Variants in DYDC2 observed in about 807,000 individuals in gnomAD.
DYDC2 encodes DPY30 domain containing 2.
Under a neutral mutation model 18.7 loss-of-function variants are expected in DYDC2, and 19 were observed. The ratio of observed to expected loss-of-function variants is 1.02; its 90% CI spans 0.71 to 1.49. DYDC2 has a LOEUF of 1.49. Ranked by LOEUF, DYDC2 falls within the 40% of genes most tolerant of loss-of-function variation. The probability of loss-of-function intolerance (pLI) is 0.00; values close to 1 mark genes in which losing one functional copy is unlikely to be tolerated. For synonymous variants in DYDC2, 63 were observed against 67.6 expected, an observed-to-expected ratio of 0.93 and a Z score of 0.34; for missense variants, 179 against 205.1, an observed-to-expected ratio of 0.87 and a Z score of 0.78.
chr10:80,354,312 T>C, upstream of DYDC2: 1 of 149,668 alleles, frequency 6.7e-6, no homozygotes, highest in East Asian at 2.0e-4. Context: ...AATAGTGAAA[T>C]GCTGTCTCTA....
At chr10:80,344,754 C>A, upstream of DYDC2, 1 of 328,074 alleles carries the variant, frequency 3.0e-6, no homozygotes. Context: ...TTGCTGCCAC[C>A]ATGTAAGAAG....
At chr10:80,345,246 C>T (rs1842541703) in intron 1 of DYDC2, among the ~76,000 whole-genome samples, 1 of 152,142 alleles carries the variant, frequency 6.6e-6, no homozygotes, top group Admixed American at 6.5e-5. Context: ...TCCTGATGTC[C>T]TACCACACAG....
intron 1 of DYDC2, among the ~76,000 whole-genome samples, chr10:80,347,276 CT>C (rs556362145): frequency 7.8e-5 from 7 of 90,108 alleles, no homozygotes; most frequent in Non-Finnish European, 1.3e-4. Context: ...AATTGGGATC[CT>C]TTTTTTTTTT....
intron 2 of DYDC2, among the ~76,000 whole-genome samples, chr10:80,360,406 C>G (rs1481702845): frequency 1.3e-5 from 2 of 152,190 alleles, no homozygotes; most frequent in African/African-American, 4.8e-5. Flanking sequence ...TCATCACCTT[C>G]CCTGTCTGAC....
At chr10:80,362,799 G>T in intron 3 of DYDC2, 152 bp from the exon 4 acceptor site, 1 of 1,252,724 alleles carries the variant, frequency 8.0e-7, no homozygotes, top group African/African-American at 1.5e-5. Context: ...GGAGTTGAAG[G>T]GTTTGTAACT....
At chr10:80,352,477 T>A, upstream of DYDC2, 1 of 1,608,910 alleles carries the variant, frequency 6.2e-7, no homozygotes, top group Non-Finnish European at 8.5e-7. Flanking sequence ...GGTCACATTT[T>A]CCTTATACTT....
At chr10:80,362,917 GCTGAC>G (rs1843707597) in intron 3 of DYDC2, 29 bp from the exon 4 acceptor site, 1 of 1,602,984 alleles carries the variant, frequency 6.2e-7, no homozygotes, top group Non-Finnish European at 8.5e-7. Flanking sequence ...TTCCCTGGTT[GCTGAC>G]CTGATTTGAC....
At chr10:80,348,914 C>G (rs1356069334) in intron 1 of DYDC2, among the ~76,000 whole-genome samples, 1 of 151,450 alleles carries the variant, frequency 6.6e-6, no homozygotes, top group African/African-American at 2.4e-5. Context: ...TTTTTTGAGG[C>G]GGAGTCTCGC....
intron 2 of DYDC2, among the ~76,000 whole-genome samples, chr10:80,360,588 G>A (rs1463172986): frequency 2.0e-5 from 3 of 152,084 alleles, no homozygotes; most frequent in Non-Finnish European, 4.4e-5. Context: ...GACACATTTG[G>A]GAGCCATTAT....
At chr10:80,357,127 T>G (rs1589528246) in intron 1 of DYDC2, among the ~76,000 whole-genome samples, 4 of 85,666 alleles carry the variant, frequency 4.7e-5, no homozygotes, top group Admixed American at 1.3e-4. Context: ...GCGGCAGAGA[T>G]GAGGCGGTGT....
At chr10:80,365,115 C>T (rs1843786458) in intron 4 of DYDC2, among the ~76,000 whole-genome samples, 1 of 152,058 alleles carries the variant, frequency 6.6e-6, no homozygotes, top group Non-Finnish European at 1.5e-5. Flanking sequence ...AACTGATATG[C>T]ATATACTCAA....
At position 80,358,039 on chromosome 10, in the gene DYDC2, C is replaced by T; in HGVS notation, c.-16C>T. 1 of 985,552 alleles carries T rather than the reference C, an allele frequency of 1.0e-6. No individual in the cohort carries two copies. Among genetic ancestry groups the T allele is most frequent in the Non-Finnish European group, 1.2e-6 (1 of 830,068 alleles). 61.1% of individuals were successfully genotyped at this position (985,552 alleles called of 1,614,324 possible). On this transcript the variant is annotated 5_prime_UTR_variant, in exon 2 of 5. Transcript: ENST00000256039. ...GAAACACTGAAAAATAGCCTCTCCC[C>T]CCATTGGTGAGTGTACCCTAAGTTG...
In DYDC2 at chr10:80,357,540, C is replaced by G. The variant is rs180884968; in HGVS notation, c.-162-353C>G. On this transcript the variant is annotated intron_variant, in intron 1 of 4. Coordinates refer to ENST00000256039, the MANE Select transcript of DYDC2 (RefSeq NM_032372.6). ...AGACCTTCCAGAGTCCCTGGAAGAC[C>G]GTCACTGCAAGCTGCTAATAGCTTG... 2.3e-4 allele frequency among the ~76,000 whole-genome samples: 35 copies of G among 152,210 alleles called. No individual in the cohort carries two copies. The East Asian group carries it at 6.8e-3, about 29-fold the overall frequency.
rs565941579 is a variant in DYDC2 at position 80,357,217 on chromosome 10, C to T, written c.-163+392C>T. On this transcript the variant is annotated intron_variant, in intron 1 of 4. Coordinates refer to ENST00000256039, the MANE Select transcript of DYDC2 (RefSeq NM_032372.6). The stretch of plus-strand genomic sequence containing the variant: ...AGAAGGGGAGCGTGGCAGAGAGAAG[C>T]GGGCGCGCTCCAGGGGGCGGGGTCC... 1.0e-3 allele frequency among the ~76,000 whole-genome samples: 112 copies of T among 108,162 alleles called. 1 individual carries two copies. The highest frequency in any genetic ancestry group is 3.7e-3 in the African/African-American group (102 of 27,312). The allele number at this position is 108,162 out of a possible 152,430, so 71.0% of individuals were successfully genotyped here.
At chr10:80,357,577 A>G (rs942436764) in intron 1 of DYDC2, among the ~76,000 whole-genome samples, 3 of 151,950 alleles carry the variant, frequency 2.0e-5, no homozygotes, top group African/African-American at 7.3e-5. Context: ...CAGTTTCACA[A>G]CTCTGCACCT....
At chr10:80,357,655 C>T (rs931260759) in intron 1 of DYDC2, among the ~76,000 whole-genome samples, 2 of 152,164 alleles carry the variant, frequency 1.3e-5, no homozygotes, top group African/African-American at 4.8e-5. Context: ...CACCGGGAAG[C>T]CGTCCAGTCT....
chr10:80,356,957 G>T, intron 1 of DYDC2, 132 bp downstream of exon 1: 1 of 675,136 alleles, frequency 1.5e-6, no homozygotes, highest in Non-Finnish European at 1.8e-6. Context: ...GAGTGGAGGG[G>T]GCGTGCAGGA....
At chr10:80,345,704 T>C (rs1201353102) in intron 1 of DYDC2, among the ~76,000 whole-genome samples, 1 of 152,202 alleles carries the variant, frequency 6.6e-6, no homozygotes, top group Non-Finnish European at 1.5e-5. Context: ...TGATGTCTGG[T>C]TTATTTCACT....
upstream of DYDC2, chr10:80,356,542 G>A: frequency 1.0e-6 from 1 of 985,514 alleles, no homozygotes; most frequent in Non-Finnish European, 1.2e-6. Flanking sequence ...GGAGCAGGAG[G>A]ACAGCTGGCC....
Sources: allele counts gnomAD v4.1 joint callset (sites outside exome capture counted in the v4.1 genomes callset), GRCh38; gene constraint gnomAD v4.1.1; transcripts MANE v1.5; gene names NCBI Gene and HGNC (gene_info 2026-07-23, HGNC 2026-07-21).